Variants in EXOC6B observed in about 807,000 individuals in gnomAD.
EXOC6B encodes the protein SEC15 homolog B.
A neutral mutation model predicts 113.5 loss-of-function variants in EXOC6B; 54 were observed. The ratio of observed to expected loss-of-function variants is 0.48; its 90% CI spans 0.38 to 0.60. The LOEUF is 0.60. EXOC6B is among the 20% of genes least tolerant of loss of function. EXOC6B has a pLI of 0.00. For missense variants in EXOC6B, 797 were observed against 977.5 expected (o/e 0.82, Z 2.46); for synonymous variants, 357 against 339.0 (o/e 1.05, Z -0.58).
At chr2:72,407,402 G>C (rs1445106566) in intron 18 of EXOC6B, among the ~76,000 whole-genome samples, 1 of 152,118 alleles carries the variant, frequency 6.6e-6, no homozygotes, top group Non-Finnish European at 1.5e-5. Flanking sequence ...GCCTGGCAGA[G>C]ACATAACAAA....
chr2:72,476,381 A>C (rs1397001018), intron 17 of EXOC6B, among the ~76,000 whole-genome samples: 1 of 152,188 alleles, frequency 6.6e-6, no homozygotes, highest in Non-Finnish European at 1.5e-5. Flanking sequence ...TCTATTTGAA[A>C]TGTGATCATC....
chr2:72,708,858 T>C (rs947929362), intron 6 of EXOC6B, among the ~76,000 whole-genome samples: 5 of 150,778 alleles, frequency 3.3e-5, no homozygotes, highest in Non-Finnish European at 4.4e-5. Flanking sequence ...GCCTCCTGAG[T>C]AGCTGGGGTT....
chr2:72,429,511 T>C (rs1695399384), intron 18 of EXOC6B, among the ~76,000 whole-genome samples: 1 of 152,222 alleles, frequency 6.6e-6, no homozygotes, highest in Non-Finnish European at 1.5e-5. Flanking sequence ...TGAAACACTT[T>C]TGGAATTCCC....
intron 20 of EXOC6B, among the ~76,000 whole-genome samples, chr2:72,209,241 A>G (rs980684529): frequency 2.5e-5 from 3 of 122,018 alleles, no homozygotes; most frequent in Non-Finnish European, 3.8e-5. Context: ...AAAAAAAAAA[A>G]AAAAAAGAAA....
At chr2:72,387,237 T>C in intron 18 of EXOC6B, among the ~76,000 whole-genome samples, 1 of 152,196 alleles carries the variant, frequency 6.6e-6, no homozygotes, top group East Asian at 1.9e-4. Context: ...TTTCATTTGA[T>C]ACTATTGTGT....
chr2:72,798,966 TG>T (rs1321667813), intron 1 of EXOC6B, among the ~76,000 whole-genome samples: 8 of 152,034 alleles, frequency 5.3e-5, no homozygotes, highest in Non-Finnish European at 2.9e-5. Flanking sequence ...AGGTTGGGTG[TG>T]GTGGCTCACG....
chr2:72,576,730 C>T (rs865803553), intron 6 of EXOC6B, among the ~76,000 whole-genome samples: 13 of 152,062 alleles, frequency 8.5e-5, no homozygotes, highest in Non-Finnish European at 1.5e-4. Flanking sequence ...TGGGAGAAGT[C>T]CTATTTTAAA....
At chr2:72,240,057 C>G (rs1200115597) in intron 20 of EXOC6B, among the ~76,000 whole-genome samples, 1 of 152,050 alleles carries the variant, frequency 6.6e-6, no homozygotes, top group Non-Finnish European at 1.5e-5. Flanking sequence ...ATTCATTTGT[C>G]AGTTCTAATA....
chr2:72,377,633 C>A (rs1691434983), intron 19 of EXOC6B, among the ~76,000 whole-genome samples: 1 of 152,062 alleles, frequency 6.6e-6, no homozygotes, highest in Admixed American at 6.6e-5. Flanking sequence ...CATAATCTTA[C>A]CTATACATGG....
At chr2:72,823,468 AAAAAAAAAAAC>A (rs1353210837) in intron 1 of EXOC6B, among the ~76,000 whole-genome samples, 15 of 137,202 alleles carry the variant, frequency 1.1e-4, no homozygotes, top group Admixed American at 7.2e-4. Flanking sequence ...AGAAAAAAAA[AAAAAAAAAAAC>A]AAAAAACAAA....
intron 1 of EXOC6B, among the ~76,000 whole-genome samples, chr2:72,797,549 C>T (rs1685030908): frequency 6.6e-6 from 1 of 152,174 alleles, no homozygotes; most frequent in South Asian, 2.1e-4. Context: ...TGCAATGGCT[C>T]ACGCCTGTAA....
At chr2:72,477,558 A>T (rs1030553590) in intron 17 of EXOC6B, among the ~76,000 whole-genome samples, 1 of 152,228 alleles carries the variant, frequency 6.6e-6, no homozygotes, top group African/African-American at 2.4e-5. Flanking sequence ...TTATTTCCAC[A>T]TAAAAACCAG....
At chr2:72,278,347 G>A (rs1272849521) in intron 20 of EXOC6B, among the ~76,000 whole-genome samples, 1 of 152,164 alleles carries the variant, frequency 6.6e-6, no homozygotes, top group Non-Finnish European at 1.5e-5. Context: ...AATGTAGAGG[G>A]ACAATTGAAA....
At chr2:72,694,150 A>C (rs1212422224) in intron 6 of EXOC6B, among the ~76,000 whole-genome samples, 1 of 152,164 alleles carries the variant, frequency 6.6e-6, no homozygotes, top group Non-Finnish European at 1.5e-5. Flanking sequence ...TCTTCCTTCA[A>C]GAATGAACTG....
At chr2:72,185,258 T>C (rs1217667200) in intron 20 of EXOC6B, among the ~76,000 whole-genome samples, 1 of 152,222 alleles carries the variant, frequency 6.6e-6, no homozygotes, top group African/African-American at 2.4e-5. Context: ...GATGGCTGGT[T>C]GTGCAGAACA....
chr2:72,512,239 T>C (rs1008774575), intron 11 of EXOC6B, among the ~76,000 whole-genome samples: 1 of 151,906 alleles, frequency 6.6e-6, no homozygotes, highest in African/African-American at 2.4e-5. Flanking sequence ...AATATAACTC[T>C]CTGAGAGCAA....
chr2:72,396,299 T>C (rs1271249828), intron 18 of EXOC6B, among the ~76,000 whole-genome samples: 1 of 152,072 alleles, frequency 6.6e-6, no homozygotes, highest in East Asian at 1.9e-4. Flanking sequence ...CACCAAAATA[T>C]GTTAACAATT....
chr2:72,204,936 A>G (rs945035522), intron 20 of EXOC6B, among the ~76,000 whole-genome samples: 2 of 152,226 alleles, frequency 1.3e-5, no homozygotes, highest in African/African-American at 4.8e-5. Context: ...GAGAGAAATT[A>G]AAGCTCTAGA....
chr2:72,393,595 C>G (rs142135382), intron 18 of EXOC6B, among the ~76,000 whole-genome samples: 1 of 151,978 alleles, frequency 6.6e-6, no homozygotes, highest in Non-Finnish European at 1.5e-5. Flanking sequence ...CAATTAGAAA[C>G]CAAAATGAAT....
Sources: allele counts gnomAD v4.1 joint callset (sites outside exome capture counted in the v4.1 genomes callset), GRCh38; gene constraint gnomAD v4.1.1; transcripts MANE v1.5; gene names NCBI Gene and HGNC (gene_info 2026-07-23, HGNC 2026-07-21).